SCEL: variants seen among roughly 807,000 people sequenced by gnomAD.
The protein encoded by SCEL is sciellin.
SCEL carries 113 observed loss-of-function variants against 117.6 expected under a neutral mutation model. The ratio of observed to expected loss-of-function variants is 0.96; its 90% CI spans 0.83 to 1.12. The LOEUF is 1.12. Among genes scored for constraint, SCEL ranks in the 50% most tolerant of loss-of-function variants. SCEL has a pLI of 0.00. For synonymous variants in SCEL, 270 were observed against 256.2 expected (o/e 1.05, Z -0.51); for missense variants, 785 against 810.8 (o/e 0.97, Z 0.39).
At chr13:77,642,675 G>A (rs770672523) in intron 31 of SCEL, 31 bp from the exon 32 acceptor site, 8 of 1,289,508 alleles carry the variant, frequency 6.2e-6, no homozygotes, top group South Asian at 2.6e-5. Flanking sequence ...CATTTACAAT[G>A]GAAACTTTAT....
chr13:77,552,055 TG>T (rs1314616139), intron 1 of SCEL, among the ~76,000 whole-genome samples: 1 of 151,998 alleles, frequency 6.6e-6, no homozygotes, highest in Admixed American at 6.6e-5. Flanking sequence ...TAGTATTCCA[TG>T]GTGTATATGT....
intron 7 of SCEL, 122 bp downstream of exon 7, chr13:77,568,455 G>A (rs754814975): frequency 3.3e-6 from 2 of 606,010 alleles, no homozygotes; most frequent in Non-Finnish European, 5.7e-6. Flanking sequence ...GCAGAGTTGA[G>A]TAGTAGAAGA....
chr13:77,600,629 T>C (rs1463531267), intron 15 of SCEL, among the ~76,000 whole-genome samples: 1 of 152,170 alleles, frequency 6.6e-6, no homozygotes, highest in Non-Finnish European at 1.5e-5. Context: ...CTTATAGTTC[T>C]AGCCTGACTG....
At position 77,602,092 on chromosome 13, in the gene SCEL, A is replaced by C. The variant is rs2087748984; in HGVS notation, c.945A>C (p.Lys315Asn). ...KGIQSLGSPI[K>N]VNQRTDKNEK... Reference sequence around the variant, plus strand: ...TCCAAAGCCTTGGAAGTCCGATTAAAGTTAATCAAAGGACTGACAAAAATG... The same window carrying C: ...TCCAAAGCCTTGGAAGTCCGATTAACGTTAATCAAAGGACTGACAAAAATG... Residue 315 changes from lysine (K) to asparagine (N), a missense_variant, in exon 16 of 33, where the codon AAA becomes AAC. Coordinates refer to ENST00000349847, the MANE Select transcript of SCEL (RefSeq NM_144777.3). 1 of 1,611,560 alleles carries C rather than the reference A, an allele frequency of 6.2e-7. No individual in the cohort carries two copies. Among genetic ancestry groups the C allele is most frequent in the Non-Finnish European group, 8.5e-7 (1 of 1,179,040 alleles).
At chr13:77,609,593 T>C (rs1439043834) in intron 21 of SCEL, among the ~76,000 whole-genome samples, 3 of 152,196 alleles carry the variant, frequency 2.0e-5, no homozygotes, top group Non-Finnish European at 4.4e-5. Flanking sequence ...TAAGTTCCAA[T>C]AGATATTTGG....
chr13:77,643,736 T>C (rs2090669910), intron 32 of SCEL, among the ~76,000 whole-genome samples: 1 of 152,140 alleles, frequency 6.6e-6, no homozygotes. Flanking sequence ...AAACCCACGT[T>C]CCATCAGGCT....
chr13:77,576,658 G>A (rs575495283), intron 9 of SCEL, among the ~76,000 whole-genome samples: 51 of 152,140 alleles, frequency 3.4e-4, no homozygotes, highest in Non-Finnish European at 6.9e-4. Flanking sequence ...TCCTAACCTG[G>A]TCCCCCATCT....
chr13:77,634,573 A>C (rs1009191080), intron 29 of SCEL, 123 bp downstream of exon 29: 8 of 605,906 alleles, frequency 1.3e-5, no homozygotes, highest in Non-Finnish European at 2.0e-5. Context: ...TTATAAGTAC[A>C]TTGAGTTCTA....
intron 27 of SCEL, among the ~76,000 whole-genome samples, chr13:77,621,646 A>G (rs1157639833): frequency 6.6e-6 from 1 of 152,212 alleles, no homozygotes; most frequent in Admixed American, 6.5e-5. Flanking sequence ...CCTGTAATGC[A>G]TAATGCAATG....
chr13:77,597,517 T>C (rs1030246993), intron 12 of SCEL, 28 bp from the exon 13 acceptor site: 10 of 1,393,194 alleles, frequency 7.2e-6, no homozygotes, highest in Non-Finnish European at 7.9e-6. Flanking sequence ...TTTTTACTAA[T>C]GTTAAACATT....
intron 3 of SCEL, among the ~76,000 whole-genome samples, chr13:77,557,872 A>C (rs1216529777): frequency 6.6e-6 from 1 of 152,204 alleles, no homozygotes; most frequent in African/African-American, 2.4e-5. Context: ...ACTATCTACA[A>C]ACTCTGCAGA....
At chr13:77,631,350 C>T (rs2090011443) in intron 28 of SCEL, among the ~76,000 whole-genome samples, 1 of 152,108 alleles carries the variant, frequency 6.6e-6, no homozygotes, top group South Asian at 2.1e-4. Flanking sequence ...CCATGAAAAA[C>T]AAAGACTTCC....
chr13:77,642,849 T>G, intron 32 of SCEL, 41 bp downstream of exon 32: 1 of 1,034,470 alleles, frequency 9.7e-7, no homozygotes. Flanking sequence ...TTGGTTAACC[T>G]TAATGAGCAT....
At chr13:77,629,931 G>A (rs2089952007) in intron 28 of SCEL, among the ~76,000 whole-genome samples, 1 of 151,932 alleles carries the variant, frequency 6.6e-6, no homozygotes, top group Non-Finnish European at 1.5e-5. Context: ...TCTGGATTGG[G>A]GGTCTTATGA....
chr13:77,624,422 T>C (rs1473273156), intron 27 of SCEL, among the ~76,000 whole-genome samples: 1 of 152,110 alleles, frequency 6.6e-6, no homozygotes, highest in East Asian at 1.9e-4. Context: ...GTCTTCACTT[T>C]ATGTCCTCAC....
intron 22 of SCEL, among the ~76,000 whole-genome samples, chr13:77,611,810 A>G (rs1176535105): frequency 1.3e-5 from 2 of 152,210 alleles, no homozygotes; most frequent in Non-Finnish European, 2.9e-5. Flanking sequence ...GAGTTTCTAG[A>G]AAAATTAAAT....
chr13:77,591,345 A>G (rs769276806), intron 10 of SCEL, 50 bp from the exon 11 acceptor site: 5 of 1,134,818 alleles, frequency 4.4e-6, no homozygotes, highest in Non-Finnish European at 6.6e-6. Context: ...AATTTATCAA[A>G]AAGTGTTTTC....
At chr13:77,609,567 A>C (rs2088484865) in intron 21 of SCEL, among the ~76,000 whole-genome samples, 1 of 152,158 alleles carries the variant, frequency 6.6e-6, no homozygotes, top group Non-Finnish European at 1.5e-5. Context: ...AACACTCCCA[A>C]ATCTAATTCA....
In SCEL at chr13:77,580,882, C is replaced by CCTGTT. The variant is rs1250653361; in HGVS notation, c.546-8262_546-8261insCTGTT. 3.4e-4 allele frequency among the ~76,000 whole-genome samples: 52 copies of CCTGTT among 152,302 alleles called. No individual in the cohort carries two copies. The South Asian group carries it at 8.1e-3, about 24-fold the overall frequency. On this transcript the variant is annotated intron_variant, in intron 9 of 32. Transcript: ENST00000349847. ...TTATTTGTTTTGACCTCTTCTCCTT[C>CCTGTT]AGTGGTTATTTCACTTCCTGTTAGC...
Sources: gnomAD v4.1 joint callset for allele counts (sites outside exome capture counted in the v4.1 genomes callset) on GRCh38, gnomAD v4.1.1 for gene constraint, MANE v1.5 for transcripts, NCBI Gene and HGNC (gene_info 2026-07-23, HGNC 2026-07-21) for gene names.